The following DCAF8 variants were observed in gnomAD, a reference collection of about 807,000 sequenced individuals.
DCAF8 encodes the protein DDB1- and CUL4-associated factor 8.
In DCAF8, 20 loss-of-function variants were observed where a neutral mutation model predicts 68.0. The observed-to-expected ratio is 0.29, with a 90% confidence interval of 0.21 to 0.43. The LOEUF is 0.43. Ranked by LOEUF, DCAF8 falls within the 20% of genes least tolerant of loss-of-function variation. The probability of loss-of-function intolerance (pLI) is 1.00; values close to 1 mark genes in which losing one functional copy is unlikely to be tolerated. For missense variants in DCAF8, 460 were observed against 771.0 expected, an observed-to-expected ratio of 0.60 and a Z score of 4.78; for synonymous variants, 230 against 276.9, an observed-to-expected ratio of 0.83 and a Z score of 1.68.
At chr1:160,222,813 G>A (rs1256000347) in intron 10 of DCAF8, 32 bp from the exon 11 acceptor site, 12 of 1,613,838 alleles carry the variant, frequency 7.4e-6, no homozygotes, top group Non-Finnish European at 1.0e-5. Context: ...GAAACCACAT[G>A]AGGGTTGGCA....
At chr1:160,241,813 C>A (rs2101745332) in intron 3 of DCAF8, among the ~76,000 whole-genome samples, 1 of 152,324 alleles carries the variant, frequency 6.6e-6, no homozygotes, top group Middle Eastern at 3.4e-3. Flanking sequence ...CACCTTATTG[C>A]CTAGTCATGT....
At chr1:160,219,510 G>A (rs2101712955) in intron 11 of DCAF8, 1 of 153,666 alleles carries the variant, frequency 6.5e-6, no homozygotes, top group Non-Finnish European at 1.5e-5. Flanking sequence ...GTTGCAGGGA[G>A]TGGTGGGAGT....
rs759729001 is a variant in DCAF8, at chr1:160,237,137, C to T, written c.957G>A (p.Ala319=). Residue 319 remains alanine (A), a splice_region_variant and synonymous_variant, in exon 6 of 14, where the codon GCG becomes GCA. Coordinates refer to ENST00000368074, the MANE Select transcript of DCAF8 (RefSeq NM_015726.4). Reference sequence around the variant, plus strand: ...AATGATATTACTGCTACACTTACGACGCTGGGCGGTCTTGTCTCAGGTCAA... The same window carrying T: ...AATGATATTACTGCTACACTTACGATGCTGGGCGGTCTTGTCTCAGGTCAA... The part of the protein sequence containing the change: ...FTIDLRQDRP[A]SKLVVTKEKE... 2.9e-5 allele frequency: 46 copies of T among 1,561,288 alleles called. No homozygotes were observed. The highest frequency in any genetic ancestry group is 1.7e-4 in the Middle Eastern group (1 of 6,016).
At chr1:160,256,572 A>C (rs1030417675) in intron 2 of DCAF8, among the ~76,000 whole-genome samples, 2 of 150,990 alleles carry the variant, frequency 1.3e-5, no homozygotes, top group African/African-American at 5.0e-5. Flanking sequence ...AGAAAAAGCC[A>C]GGAAGAAAAA....
At chr1:160,261,026 A>G (rs1044503150) in intron 2 of DCAF8, among the ~76,000 whole-genome samples, 1 of 152,202 alleles carries the variant, frequency 6.6e-6, no homozygotes, top group Non-Finnish European at 1.5e-5. Context: ...AAAAGAAGAC[A>G]TGGGGCAGGG....
intron 4 of DCAF8, 42 bp from the exon 5 acceptor site, chr1:160,238,789 G>A (rs760927568): frequency 2.9e-5 from 45 of 1,555,928 alleles, no homozygotes; most frequent in Non-Finnish European, 2.8e-5. Flanking sequence ...CAAAAGAAAT[G>A]AGAGAGGTAA....
At chr1:160,240,472 G>T in intron 3 of DCAF8, 102 bp from the exon 4 acceptor site, 1 of 1,153,122 alleles carries the variant, frequency 8.7e-7, no homozygotes, top group South Asian at 1.6e-5. Flanking sequence ...ACCAAAAAAT[G>T]AACTTTGGTC....
chr1:160,244,082 G>A (rs756805943), intron 2 of DCAF8, 48 bp from the exon 3 acceptor site: 1 of 1,387,256 alleles, frequency 7.2e-7, no homozygotes, highest in East Asian at 2.3e-5. Context: ...AACCACCTGG[G>A]AAAGAAGACA....
At chr1:160,247,559 G>A (rs999744922) in intron 2 of DCAF8, among the ~76,000 whole-genome samples, 1 of 152,158 alleles carries the variant, frequency 6.6e-6, no homozygotes, top group African/African-American at 2.4e-5. Flanking sequence ...CTTGTCCGGT[G>A]TATCCTCTTA....
chr1:160,262,435 C>T lies in DCAF8; in HGVS notation c.-101+14G>A, dbSNP rs1443560728. 7.5e-6 allele frequency: 3 copies of T among 401,080 alleles called. No individual in the cohort carries two copies. The highest frequency in any genetic ancestry group is 4.1e-5 in the African/African-American group (2 of 48,808). The allele number at this position is 401,080 out of a possible 1,614,324, so 24.8% of individuals were successfully genotyped here. A position where few individuals can be genotyped will look rare whatever the true frequency, so the allele number is the denominator to read the frequency against. On this transcript the variant is annotated intron_variant, in intron 1 of 13. Transcript: ENST00000368074. The stretch of plus-strand genomic sequence containing the variant: ...CCCCGTCCACTGCCACCACCAACGC[C>T]GCCGCCATCTTACACTGGCCAGCGG...
chr1:160,225,285 A>G (rs1224766637), intron 8 of DCAF8, among the ~76,000 whole-genome samples, 166 bp from the exon 9 acceptor site: 2 of 152,210 alleles, frequency 1.3e-5, no homozygotes, highest in Admixed American at 6.5e-5. Context: ...CTCAGGGGGT[A>G]GCATCTTGGG....
At chr1:160,220,889 GA>G (rs1256286175) in intron 11 of DCAF8, 1 of 152,188 alleles carries the variant, frequency 6.6e-6, no homozygotes, top group East Asian at 1.9e-4. Flanking sequence ...CCCACTGCTG[GA>G]AAATTAGGAC....
rs1655107023 is a variant in DCAF8, at chr1:160,216,127, C to G, written c.*1465G>C. The G allele has an allele frequency of 6.6e-6, 1 of 152,172 alleles. No individual in the cohort carries two copies. Among genetic ancestry groups the G allele is most frequent in the Non-Finnish European group, 1.5e-5 (1 of 68,038 alleles). 9.4% of individuals were successfully genotyped at this position (152,172 alleles called of 1,614,324 possible). ...GTGCCCAAGCTCCAGCCACTGTAAT[C>G]AGTCCTTAGATTAATGACTTATTCC... is the stretch of plus-strand genomic sequence containing the variant. On this transcript the variant is annotated 3_prime_UTR_variant, in exon 14 of 14. Coordinates refer to ENST00000368074, the MANE Select transcript of DCAF8 (RefSeq NM_015726.4).
At chr1:160,236,335 T>C (rs1035515900) in intron 6 of DCAF8, among the ~76,000 whole-genome samples, 1 of 151,878 alleles carries the variant, frequency 6.6e-6, no homozygotes, top group African/African-American at 2.4e-5. Flanking sequence ...TAAATACATA[T>C]GTGTGTATAT....
intron 2 of DCAF8, among the ~76,000 whole-genome samples, chr1:160,260,921 A>C (rs74125551): frequency 0.016 from 2,411 of 152,276 alleles, 62 homozygotes; most frequent in African/African-American, 0.049. Flanking sequence ...TGACAACAGG[A>C]TGAACAGAAC....
intron 2 of DCAF8, among the ~76,000 whole-genome samples, chr1:160,244,775 G>A (rs904786274): frequency 6.6e-6 from 1 of 151,920 alleles, no homozygotes; most frequent in Admixed American, 6.6e-5. Context: ...CTGCCACCAT[G>A]CCCACCTTTC....
chr1:160,240,356 T>C lies in DCAF8; in HGVS notation c.64A>G (p.Ser22Gly). The change falls in exon 4 of 14, where the codon AGT (serine) becomes GGT (glycine). Residue 22 changes from serine (S) to glycine (G), a missense_variant. Physicochemically the swap from Ser to Gly is moderately conservative, Grantham distance 56. Coordinates refer to ENST00000368074, the MANE Select transcript of DCAF8 (RefSeq NM_015726.4). ...TDLANGSLSS[S>G]PEEMSGAEEG... The stretch of plus-strand genomic sequence containing the variant: ...TCAGCTCCAGACATCTCCTCTGGAC[T>C]GCTAGACAGGCTTCCTGCATGTTAG... The C allele has an allele frequency of 1.2e-6, 2 of 1,609,372 alleles. No homozygotes were observed. Among genetic ancestry groups the C allele is most frequent in the Non-Finnish European group, 1.7e-6 (2 of 1,177,518 alleles).
intron 7 of DCAF8, among the ~76,000 whole-genome samples, chr1:160,230,318 CCT>C (rs976804399): frequency 2.0e-5 from 3 of 152,006 alleles, no homozygotes; most frequent in Admixed American, 2.0e-4. Flanking sequence ...TGATCTTGCC[CCT>C]CTCTCTCCTT....
chr1:160,232,207 CAA>C (rs1177026328), intron 6 of DCAF8, among the ~76,000 whole-genome samples: 5 of 139,884 alleles, frequency 3.6e-5, no homozygotes, highest in Non-Finnish European at 6.2e-5. Context: ...AAGACTGTCT[CAA>C]AAAAAAAAAA....
Sources: allele counts gnomAD v4.1 joint callset (sites outside exome capture counted in the v4.1 genomes callset), GRCh38; gene constraint gnomAD v4.1.1; transcripts MANE v1.5; gene names NCBI Gene and HGNC (gene_info 2026-07-23, HGNC 2026-07-21).